CCDC148: variants seen among roughly 807,000 people sequenced by gnomAD.
CCDC148 encodes the protein coiled-coil domain-containing protein 148.
Under a neutral mutation model 85.7 loss-of-function variants are expected in CCDC148, and 89 were observed. The observed-to-expected ratio is 1.04, with a 90% CI of 0.87 to 1.24. The LOEUF (loss-of-function observed/expected upper bound fraction) is 1.24. CCDC148 is among the 50% of genes most tolerant of loss of function. The probability of loss-of-function intolerance (pLI) is 0.00; values close to 1 mark genes in which losing one functional copy is unlikely to be tolerated. For missense variants in CCDC148, 692 were observed against 671.7 expected, an observed-to-expected ratio of 1.03 and a Z score of -0.33; for synonymous variants, 230 against 213.9, an observed-to-expected ratio of 1.08 and a Z score of -0.66.
intron 10 of CCDC148, among the ~76,000 whole-genome samples, chr2:158,222,761 T>C (rs1278349040): frequency 6.6e-6 from 1 of 152,186 alleles, no homozygotes; most frequent in Non-Finnish European, 1.5e-5. Flanking sequence ...TATCACCCTC[T>C]ACCTGTCGTT....
At chr2:158,305,469 C>T (rs1015674564) in intron 9 of CCDC148, among the ~76,000 whole-genome samples, 1 of 152,084 alleles carries the variant, frequency 6.6e-6, no homozygotes, top group African/African-American at 2.4e-5. Flanking sequence ...TGTGGCAAGC[C>T]AGGCACAGTG....
intron 1 of CCDC148, among the ~76,000 whole-genome samples, chr2:158,445,334 T>C (rs1688115903): frequency 1.3e-5 from 2 of 152,214 alleles, no homozygotes; most frequent in African/African-American, 4.8e-5. Context: ...GTTTTTCTTA[T>C]TTATGTCCTA....
At chr2:158,294,002 CTCCTTCCTTCCTTCCTTCCTTCCT>C (rs1185894027) in intron 9 of CCDC148, among the ~76,000 whole-genome samples, 338 of 15,216 alleles carry the variant, frequency 0.022, 37 homozygotes, top group African/African-American at 0.066. Context: ...CCCTCCCTCC[CTCCTTCCTTCCTTCCTTCCTTCCT>C]TCCTTCCTTC....
In CCDC148 at chr2:158,350,307, C is replaced by T. The variant is rs551557222; in HGVS notation, c.148-4989G>A. ...CACTTTGATAAAATACTGATTTTAACACTCAACCATTCTACATTCAGCCAA... is the reference window on the plus strand; with the variant it reads ...CACTTTGATAAAATACTGATTTTAATACTCAACCATTCTACATTCAGCCAA... On this transcript the variant is annotated intron_variant, in intron 2 of 13. Coordinates refer to ENST00000283233, the MANE Select transcript of CCDC148 (RefSeq NM_138803.4). 3.3e-5 allele frequency among the ~76,000 whole-genome samples: 5 copies of T among 152,216 alleles called. No homozygotes were observed. The South Asian group carries it at 1.0e-3, about 32-fold the overall frequency.
At chr2:158,328,891 T>C (rs2105229198) in intron 7 of CCDC148, among the ~76,000 whole-genome samples, 1 of 151,384 alleles carries the variant, frequency 6.6e-6, no homozygotes, top group South Asian at 2.1e-4. Context: ...TTTGTTGGAG[T>C]TCATTGTAGA....
chr2:158,270,797 A>AG (rs1425706312), intron 9 of CCDC148, among the ~76,000 whole-genome samples: 3 of 152,128 alleles, frequency 2.0e-5, no homozygotes, highest in Non-Finnish European at 2.9e-5. Flanking sequence ...CACTGTTACC[A>AG]GGGGGGAGTA....
At chr2:158,177,706 C>A (rs951378279) in intron 12 of CCDC148, among the ~76,000 whole-genome samples, 1 of 152,106 alleles carries the variant, frequency 6.6e-6, no homozygotes, top group Non-Finnish European at 1.5e-5. Context: ...GACTTACATT[C>A]CTATGCTTTA....
intron 10 of CCDC148, among the ~76,000 whole-genome samples, chr2:158,224,895 C>T (rs1217968874): frequency 6.6e-6 from 1 of 152,022 alleles, no homozygotes; most frequent in Non-Finnish European, 1.5e-5. Context: ...ACTGCATCAA[C>T]TAACGAGCAA....
intron 2 of CCDC148, among the ~76,000 whole-genome samples, chr2:158,355,228 G>A (rs1033530549): frequency 9.2e-5 from 14 of 152,090 alleles, no homozygotes; most frequent in Non-Finnish European, 1.8e-4. Context: ...GTTCAGGCCA[G>A]GGCAATTAGG....
chr2:158,349,204 G>A (rs1683141829), intron 2 of CCDC148, among the ~76,000 whole-genome samples: 1 of 151,912 alleles, frequency 6.6e-6, no homozygotes, highest in African/African-American at 2.4e-5. Context: ...CTCTTTATGT[G>A]CTTTAAATGT....
chr2:158,429,895 G>A (rs1393588556), intron 1 of CCDC148, among the ~76,000 whole-genome samples: 1 of 152,280 alleles, frequency 6.6e-6, no homozygotes, highest in East Asian at 1.9e-4. Context: ...CATACAACAG[G>A]GAGAGCATTC....
chr2:158,257,328 G>A (rs1039133117), intron 9 of CCDC148, among the ~76,000 whole-genome samples: 1 of 151,736 alleles, frequency 6.6e-6, no homozygotes, highest in Non-Finnish European at 1.5e-5. Context: ...CTCCCTAAAT[G>A]TTACTATAAG....
intron 10 of CCDC148, among the ~76,000 whole-genome samples, chr2:158,244,741 A>G (rs1688498637): frequency 6.6e-6 from 1 of 152,104 alleles, no homozygotes; most frequent in East Asian, 1.9e-4. Context: ...ATCTGACCCA[A>G]TCGTGGGAGT....
At chr2:158,270,590 C>G (rs1689654638) in intron 9 of CCDC148, among the ~76,000 whole-genome samples, 1 of 152,144 alleles carries the variant, frequency 6.6e-6, no homozygotes, top group Non-Finnish European at 1.5e-5. Flanking sequence ...GGATTGTTAT[C>G]ACTTTTGACA....
chr2:158,210,257 G>T (rs919778282), intron 11 of CCDC148, among the ~76,000 whole-genome samples: 2 of 152,096 alleles, frequency 1.3e-5, no homozygotes, highest in Non-Finnish European at 2.9e-5. Context: ...AACAAGAAGA[G>T]CGAGCTATCC....
At chr2:158,329,878 G>A (rs565339239) in intron 7 of CCDC148, among the ~76,000 whole-genome samples, 1 of 152,168 alleles carries the variant, frequency 6.6e-6, no homozygotes, top group Non-Finnish European at 1.5e-5. Context: ...AGACTTTGCC[G>A]AAGTTACCTA....
At chr2:158,426,746 T>A (rs937948305) in intron 1 of CCDC148, among the ~76,000 whole-genome samples, 1 of 152,184 alleles carries the variant, frequency 6.6e-6, no homozygotes, top group Admixed American at 6.6e-5. Context: ...TTTAAAAAAA[T>A]TTGGTGCCTG....
intron 1 of CCDC148, among the ~76,000 whole-genome samples, chr2:158,414,258 A>T (rs1686392774): frequency 6.6e-6 from 1 of 152,206 alleles, no homozygotes; most frequent in South Asian, 2.1e-4. Context: ...AGCCCAAAGA[A>T]AAAAATAAAT....
chr2:158,431,688 A>C (rs1188205450), intron 1 of CCDC148, among the ~76,000 whole-genome samples: 1 of 152,208 alleles, frequency 6.6e-6, no homozygotes, highest in Non-Finnish European at 1.5e-5. Flanking sequence ...CTATAACCCC[A>C]GCACTTTAGG....
Sources: allele counts gnomAD v4.1 joint callset (sites outside exome capture counted in the v4.1 genomes callset), GRCh38; gene constraint gnomAD v4.1.1; transcripts MANE v1.5; gene names NCBI Gene and HGNC (gene_info 2026-07-23, HGNC 2026-07-21).